NHSL2: variants seen among roughly 807,000 people sequenced by gnomAD.
NHSL2 encodes NHS-like protein 2.
NHSL2 carries 27 observed loss-of-function variants against 53.4 expected under a neutral mutation model. The ratio of observed to expected loss-of-function variants is 0.51; its 90% CI spans 0.37 to 0.70. NHSL2 has a LOEUF of 0.70. Ranked by LOEUF, NHSL2 falls within the 30% of genes least tolerant of loss-of-function variation. The probability of loss-of-function intolerance (pLI) is 0.00; values close to 1 mark genes in which losing one functional copy is unlikely to be tolerated. For missense variants in NHSL2, 892 were observed against 980.1 expected (o/e 0.91, Z 1.20); for synonymous variants, 408 against 404.1 (o/e 1.01, Z -0.12).
chrX:72,099,361 A>ATTTTTTTTTTTTTTTTTTTTTTTTTTT (rs753132294), intron 1 of NHSL2, among the ~76,000 whole-genome samples: 1 of 84,345 alleles, frequency 1.2e-5, no homozygotes, highest in African/African-American at 4.6e-5. Context: ...TTGTGTAGGA[A>ATTTTTTTTTTTTTTTTTTTTTTTTTTT]TTTTTTTTTT....
chrX:72,117,129 C>G (rs2042145492), intron 1 of NHSL2, among the ~76,000 whole-genome samples: 1 of 109,675 alleles, frequency 9.1e-6, no homozygotes, highest in African/African-American at 3.3e-5. Context: ...AGGCATGCTA[C>G]TCTCAGCCCT....
At position 72,083,692 on chromosome X, in the gene NHSL2, GA is replaced by G. The variant is rs1226122368; in HGVS notation, c.281-48378del. Among the ~76,000 whole-genome samples the G allele has an allele frequency of 6.1e-3, 664 of 108,951 alleles. 4 individuals are homozygous for G. The highest frequency in any genetic ancestry group is 0.01 in the Non-Finnish European group (540 of 52,119). The allele number at this position is 108,951 out of a possible 115,157, so 94.6% of individuals were successfully genotyped here. A position where few individuals can be genotyped will look rare whatever the true frequency, so the allele number is the denominator to read the frequency against. On this transcript the variant is annotated intron_variant, in intron 1 of 7. Coordinates refer to ENST00000633930, the MANE Select transcript of NHSL2 (RefSeq NM_001013627.3). ...TTTTAATATAGATTTATTTGTTTAAGAAAAAAAAACAATTCACTTAGAGAAA... is the reference window on the plus strand; with the variant it reads ...TTTTAATATAGATTTATTTGTTTAAGAAAAAAAACAATTCACTTAGAGAAA...
At chrX:71,985,176 G>C (rs1018139120) in intron 1 of NHSL2, among the ~76,000 whole-genome samples, 1 of 111,381 alleles carries the variant, frequency 9.0e-6, no homozygotes, top group East Asian at 2.8e-4. Context: ...GCCGAGCCCA[G>C]CCATGGATTT....
intron 1 of NHSL2, among the ~76,000 whole-genome samples, chrX:71,924,383 A>G (rs2041674257): frequency 1.8e-5 from 2 of 111,458 alleles, no homozygotes; most frequent in Non-Finnish European, 3.8e-5. Context: ...TTTTTTCACT[A>G]TGTTCCTCCA....
intron 1 of NHSL2, chrX:72,044,613 CACTA>C (rs2042294790): frequency 4.4e-6 from 5 of 1,128,537 alleles, no homozygotes; most frequent in Admixed American, 2.2e-5. Context: ...CTATTCGCTG[CACTA>C]ACTGTGTCCG....
chrX:72,122,795 C>T (rs2042191526), intron 1 of NHSL2, among the ~76,000 whole-genome samples: 1 of 112,554 alleles, frequency 8.9e-6, no homozygotes, highest in South Asian at 3.6e-4. Context: ...CACCTCCAAC[C>T]TTATCTGGGG....
intron 1 of NHSL2, among the ~76,000 whole-genome samples, chrX:71,988,338 T>C (rs1357420439): frequency 8.9e-6 from 1 of 111,751 alleles, no homozygotes; most frequent in Non-Finnish European, 1.9e-5. Context: ...ATCCTGTATA[T>C]ACCTAATCTT....
chrX:72,060,093 A>C (rs1007980988), intron 1 of NHSL2, among the ~76,000 whole-genome samples: 9 of 112,212 alleles, frequency 8.0e-5, no homozygotes, highest in African/African-American at 2.9e-4. Context: ...CCTCAGAAGC[A>C]TGAGGCCATG....
intron 1 of NHSL2, among the ~76,000 whole-genome samples, chrX:72,124,486 C>A (rs2042206585): frequency 9.0e-6 from 1 of 111,695 alleles, no homozygotes; most frequent in South Asian, 3.7e-4. Flanking sequence ...AGGCTCAGAA[C>A]CAAACTGGCC....
chrX:72,130,889 G>A (rs1260800039), intron 1 of NHSL2: 1 of 1,210,172 alleles, frequency 8.3e-7, no homozygotes, highest in Non-Finnish European at 1.1e-6. Flanking sequence ...AGGAAGCGCG[G>A]GAAGTTGGCA....
At chrX:71,945,353 T>C (rs758620212) in intron 1 of NHSL2, among the ~76,000 whole-genome samples, 1 of 112,269 alleles carries the variant, frequency 8.9e-6, no homozygotes, top group Non-Finnish European at 1.9e-5. Context: ...CCCTTTCTTC[T>C]GTCTCGCAGC....
At chrX:71,955,617 A>G (rs1443389034) in intron 1 of NHSL2, among the ~76,000 whole-genome samples, 1 of 109,736 alleles carries the variant, frequency 9.1e-6, no homozygotes, top group Non-Finnish European at 1.9e-5. Context: ...CTCAAAAAGC[A>G]CTTATTGAAC....
chrX:72,084,272 G>A (rs1283500631), intron 1 of NHSL2, among the ~76,000 whole-genome samples: 2 of 112,420 alleles, frequency 1.8e-5, no homozygotes, highest in Admixed American at 9.4e-5. Flanking sequence ...GACTATCACA[G>A]CTCCTGGTGT....
chrX:72,059,439 G>A (rs769841000), intron 1 of NHSL2, among the ~76,000 whole-genome samples: 24 of 111,569 alleles, frequency 2.2e-4, no homozygotes, highest in Non-Finnish European at 4.3e-4. Context: ...GGCCTCCCTG[G>A]TCTAGTTCCA....
Position 72,134,627 on chromosome X carries a change from C to G in NHSL2, c.683C>G (p.Pro228Arg). 8.6e-7 allele frequency: 1 copy of G among 1,167,370 alleles called. No homozygotes were observed. Among genetic ancestry groups the G allele is most frequent in the African/African-American group, 1.8e-5 (1 of 56,532 alleles). Residue 228 changes from proline to arginine, a missense_variant, in exon 4 of 8, where the codon CCT becomes CGT. Pro to Arg is a moderately radical substitution (Grantham distance 103). Transcript: ENST00000633930. ...DKQTAWNSLF[P>R]LPILEEKRWP... Reference sequence around the variant, plus strand: ...CAAACTGCCTGGAATAGCCTTTTCCCTCTGCCCATCCTAGAGGAGAAGCGG... The same window carrying G: ...CAAACTGCCTGGAATAGCCTTTTCCGTCTGCCCATCCTAGAGGAGAAGCGG...
intron 1 of NHSL2, among the ~76,000 whole-genome samples, chrX:71,955,885 C>T (rs755205917): frequency 9.0e-6 from 1 of 110,644 alleles, no homozygotes; most frequent in African/African-American, 3.3e-5. Context: ...AGTCCTTCGC[C>T]TCTCCCTGGC....
intron 1 of NHSL2, among the ~76,000 whole-genome samples, chrX:71,958,152 G>A (rs948867153): frequency 9.0e-6 from 1 of 110,966 alleles, no homozygotes; most frequent in Non-Finnish European, 1.9e-5. Context: ...AGGGCCAGAA[G>A]TCTCCCTTAG....
At chrX:72,095,696 C>T (rs1239682095) in intron 1 of NHSL2, among the ~76,000 whole-genome samples, 1 of 111,724 alleles carries the variant, frequency 9.0e-6, no homozygotes, top group Non-Finnish European at 1.9e-5. Context: ...ACTCCCGTAG[C>T]TCTCTGAGGG....
At chrX:72,143,143 G>A (rs1457581945) in intron 7 of NHSL2, 110 bp from the exon 8 acceptor site, 12 of 517,661 alleles carry the variant, frequency 2.3e-5, no homozygotes, top group East Asian at 3.7e-5. Context: ...AGGTCAATAC[G>A]GCTGCTTGCA....
Sources: allele counts gnomAD v4.1 joint callset (sites outside exome capture counted in the v4.1 genomes callset), GRCh38; gene constraint gnomAD v4.1.1; transcripts MANE v1.5; gene names NCBI Gene and HGNC (gene_info 2026-07-23, HGNC 2026-07-21).